The following NRXN3 variants were observed in gnomAD, a reference collection of about 807,000 sequenced individuals.
The protein encoded by NRXN3 is neurexin III.
A neutral mutation model predicts 137.6 loss-of-function variants in NRXN3; 32 were observed. That is an observed-to-expected ratio of 0.23 (90% CI 0.18 to 0.31). The LOEUF is 0.31. Among genes scored for constraint, NRXN3 ranks in the 10% least tolerant of loss-of-function variants. The pLI is 1.00. For missense variants in NRXN3, 1,574 were observed against 2,062.5 expected, an observed-to-expected ratio of 0.76 and a Z score of 4.59; for synonymous variants, 798 against 784.5, an observed-to-expected ratio of 1.02 and a Z score of -0.29.
At chr14:78,183,629 A>T (rs957939444) in intron 1 of NRXN3, among the ~76,000 whole-genome samples, 3 of 152,230 alleles carry the variant, frequency 2.0e-5, no homozygotes, top group African/African-American at 7.2e-5. Context: ...GAGTCTGCAC[A>T]TGGGGACAAG....
chr14:78,995,805 A>G (rs1383077976), intron 15 of NRXN3, among the ~76,000 whole-genome samples: 1 of 152,238 alleles, frequency 6.6e-6, no homozygotes, highest in African/African-American at 2.4e-5. Flanking sequence ...ACAAAAGACT[A>G]TTTGAAGAAC....
intron 19 of NRXN3, among the ~76,000 whole-genome samples, chr14:79,717,165 C>T (rs1013869662): frequency 2.0e-5 from 3 of 152,162 alleles, no homozygotes; most frequent in African/African-American, 7.2e-5. Flanking sequence ...GCGACTGCTG[C>T]TTTGAAGATG....
intron 20 of NRXN3, among the ~76,000 whole-genome samples, chr14:79,808,274 ATG>A (rs71454891): frequency 0.052 from 7,349 of 140,956 alleles, 237 homozygotes; most frequent in South Asian, 0.071. Flanking sequence ...ATATATATAT[ATG>A]TATGTATGTA....
chr14:79,078,743 G>T (rs1337069546), intron 15 of NRXN3, among the ~76,000 whole-genome samples: 5 of 152,244 alleles, frequency 3.3e-5, no homozygotes, highest in East Asian at 3.9e-4. Context: ...AGAGATGAAT[G>T]ACCAATTCTG....
chr14:78,475,005 G>GACCA (rs1290746629), intron 4 of NRXN3, among the ~76,000 whole-genome samples: 1 of 152,118 alleles, frequency 6.6e-6, no homozygotes, highest in Non-Finnish European at 1.5e-5. Flanking sequence ...AGTGATCTGG[G>GACCA]ACCACACTTT....
In NRXN3 at chr14:79,824,640, G is replaced by A. The variant is rs570614112; in HGVS notation, c.4093+19450G>A. Among the ~76,000 whole-genome samples, 43 of 152,280 alleles carry A rather than the reference G, an allele frequency of 2.8e-4. 1 individual carries two copies. Among genetic ancestry groups the A allele is most frequent in the Middle Eastern group, 3.4e-3 (1 of 294 alleles). On this transcript the variant is annotated intron_variant, in intron 20 of 20. Transcript: ENST00000335750. ...GGAGCATATCTATTCAAACAAGGTT[G>A]TTTAAAGATAAAAGCACCCACTTCT... is the stretch of plus-strand genomic sequence containing the variant.
intron 6 of NRXN3, among the ~76,000 whole-genome samples, chr14:78,674,689 A>C (rs1293196762): frequency 6.6e-6 from 1 of 152,140 alleles, no homozygotes; most frequent in Non-Finnish European, 1.5e-5. Flanking sequence ...GTATTTATAG[A>C]CTATTAGGGG....
intron 6 of NRXN3, among the ~76,000 whole-genome samples, chr14:78,673,156 T>G (rs1385332589): frequency 2.6e-5 from 4 of 152,224 alleles, no homozygotes; most frequent in Non-Finnish European, 4.4e-5. Flanking sequence ...ACCTGAAATC[T>G]AAGTCACCTG....
intron 19 of NRXN3, among the ~76,000 whole-genome samples, chr14:79,702,029 T>C (rs1297287318): frequency 1.3e-5 from 2 of 152,048 alleles, no homozygotes; most frequent in African/African-American, 2.4e-5. Flanking sequence ...GGGCTGTGAC[T>C]ACCGACAGTA....
At chr14:78,802,811 T>A (rs2098843418) in intron 8 of NRXN3, among the ~76,000 whole-genome samples, 2 of 152,110 alleles carry the variant, frequency 1.3e-5, no homozygotes, top group African/African-American at 2.4e-5. Context: ...CTGGGCATGG[T>A]GGCATGCGCC....
intron 15 of NRXN3, among the ~76,000 whole-genome samples, chr14:79,431,818 C>T (rs528067482): frequency 9.9e-5 from 15 of 152,230 alleles, no homozygotes; most frequent in African/African-American, 3.6e-4. Flanking sequence ...TAATAGACTT[C>T]TAATTTATTA....
chr14:79,198,382 C>T (rs1212099280), intron 15 of NRXN3, among the ~76,000 whole-genome samples: 1 of 152,144 alleles, frequency 6.6e-6, no homozygotes, highest in African/African-American at 2.4e-5. Flanking sequence ...GTATAGGGAA[C>T]AGCCAAGGAC....
intron 15 of NRXN3, among the ~76,000 whole-genome samples, chr14:79,237,834 G>A (rs1273430880): frequency 3.9e-5 from 6 of 152,086 alleles, no homozygotes; most frequent in Non-Finnish European, 2.9e-5. Flanking sequence ...TAATGATTTT[G>A]TGATCTTGCA....
intron 15 of NRXN3, among the ~76,000 whole-genome samples, chr14:79,272,262 T>C (rs2079470078): frequency 6.8e-6 from 1 of 147,912 alleles, no homozygotes; most frequent in East Asian, 2.0e-4. Context: ...TCCTAAGGCC[T>C]GAAATCTCTT....
chr14:78,971,268 T>C (rs1419378558), intron 14 of NRXN3, among the ~76,000 whole-genome samples: 1 of 152,120 alleles, frequency 6.6e-6, no homozygotes, highest in African/African-American at 2.4e-5. Flanking sequence ...CATTAGGTAG[T>C]ATGAGGACCA....
intron 16 of NRXN3, among the ~76,000 whole-genome samples, chr14:79,547,422 A>C (rs1284938260): frequency 1.3e-5 from 2 of 152,226 alleles, no homozygotes; most frequent in Non-Finnish European, 2.9e-5. Context: ...CTGAAAACTG[A>C]ATAAATATTG....
chr14:78,320,086 A>G (rs2079146039), intron 4 of NRXN3, among the ~76,000 whole-genome samples: 1 of 152,114 alleles, frequency 6.6e-6, no homozygotes. Flanking sequence ...TGGTTGAAAC[A>G]TTTACCTGGT....
At chr14:78,720,236 C>G (rs920419016) in intron 8 of NRXN3, among the ~76,000 whole-genome samples, 1 of 152,154 alleles carries the variant, frequency 6.6e-6, no homozygotes, top group Non-Finnish European at 1.5e-5. Context: ...AGAACTCTCC[C>G]TGAAATCTCA....
At position 79,369,628 on chromosome 14, in the gene NRXN3, T is replaced by C. The variant is rs114525872; in HGVS notation, c.3263-97593T>C. 7.3e-3 allele frequency among the ~76,000 whole-genome samples: 1,115 copies of C among 152,324 alleles called. 8 individuals carry two copies. The highest frequency in any genetic ancestry group is 0.026 in the African/African-American group (1,063 of 41,572). Reference sequence around the variant, plus strand: ...GGGCCCATTTATTCTTTTTTATGTTTGGTTTCCCTGTCTCATGGTAAAATC... The same window carrying C: ...GGGCCCATTTATTCTTTTTTATGTTCGGTTTCCCTGTCTCATGGTAAAATC... On this transcript the variant is annotated intron_variant, in intron 15 of 20. Coordinates refer to ENST00000335750, the MANE Select transcript of NRXN3 (RefSeq NM_001330195.2).
Sources: gnomAD v4.1 joint callset for allele counts (sites outside exome capture counted in the v4.1 genomes callset) on GRCh38, gnomAD v4.1.1 for gene constraint, MANE v1.5 for transcripts, NCBI Gene and HGNC (gene_info 2026-07-23, HGNC 2026-07-21) for gene names.